Variants in AK5 observed in about 807,000 individuals in gnomAD.
AK5 encodes adenylate kinase isoenzyme 5.
In AK5, 27 loss-of-function variants were observed where a neutral mutation model predicts 69.5. The observed-to-expected ratio is 0.39, with a 90% confidence interval of 0.29 to 0.54. The LOEUF is 0.54. Among genes scored for constraint, AK5 ranks in the 20% least tolerant of loss-of-function variants. The probability of loss-of-function intolerance (pLI) is 0.71; values close to 1 mark genes in which losing one functional copy is unlikely to be tolerated. For missense variants in AK5, 531 were observed against 700.4 expected, an observed-to-expected ratio of 0.76 and a Z score of 2.73; for synonymous variants, 260 against 244.4, an observed-to-expected ratio of 1.06 and a Z score of -0.60.
intron 13 of AK5, among the ~76,000 whole-genome samples, chr1:77,539,380 T>C (rs549034374): frequency 2.6e-5 from 4 of 152,274 alleles, no homozygotes; most frequent in African/African-American, 9.6e-5. Flanking sequence ...TGCACAAATA[T>C]GTAAAACCTC....
intron 2 of AK5, 110 bp from the exon 3 acceptor site, chr1:77,293,682 GA>G: frequency 1.1e-6 from 1 of 930,530 alleles, no homozygotes; most frequent in Non-Finnish European, 1.6e-6. Flanking sequence ...TTCCAGTTAA[GA>G]AAAAAACAAA....
intron 13 of AK5, 123 bp downstream of exon 13, chr1:77,536,161 G>A: frequency 8.9e-7 from 1 of 1,128,850 alleles, no homozygotes. Flanking sequence ...CTGTGCAGCT[G>A]CAGCACTGGG....
chr1:77,500,802 C>T (rs114619951), intron 10 of AK5, among the ~76,000 whole-genome samples: 1,930 of 151,918 alleles, frequency 0.013, 23 homozygotes, highest in Non-Finnish European at 0.018. Context: ...ACAACAGCAA[C>T]AAAAAAACAA....
At chr1:77,301,058 A>G (rs1374522356) in intron 5 of AK5, among the ~76,000 whole-genome samples, 1 of 152,166 alleles carries the variant, frequency 6.6e-6, no homozygotes, top group Non-Finnish European at 1.5e-5. Flanking sequence ...TCAGCCATAT[A>G]TGGGTGATGG....
intron 6 of AK5, among the ~76,000 whole-genome samples, chr1:77,391,872 G>A (rs1392245558): frequency 6.6e-6 from 1 of 152,034 alleles, no homozygotes; most frequent in Non-Finnish European, 1.5e-5. Flanking sequence ...AAATAAATGG[G>A]GTGAAACAAA....
At chr1:77,439,060 A>G (rs1423035853) in intron 8 of AK5, among the ~76,000 whole-genome samples, 2 of 152,148 alleles carry the variant, frequency 1.3e-5, no homozygotes, top group African/African-American at 4.8e-5. Context: ...ACTGCTCTCC[A>G]TTTCAGGGGC....
intron 10 of AK5, among the ~76,000 whole-genome samples, chr1:77,486,592 G>A (rs553436518): frequency 1.9e-4 from 29 of 151,962 alleles, no homozygotes; most frequent in Non-Finnish European, 4.1e-4. Flanking sequence ...CAGCTACTCG[G>A]GAGGCTGAGG....
intron 13 of AK5, among the ~76,000 whole-genome samples, chr1:77,544,059 C>A (rs987276423): frequency 3.9e-5 from 6 of 152,140 alleles, no homozygotes; most frequent in Non-Finnish European, 7.3e-5. Flanking sequence ...GATGGTATAG[C>A]CTACTACACA....
intron 6 of AK5, among the ~76,000 whole-genome samples, chr1:77,383,237 A>G (rs982749797): frequency 1.7e-4 from 26 of 152,200 alleles, no homozygotes; most frequent in African/African-American, 5.8e-4. Flanking sequence ...AAGAGTCACT[A>G]TACTTAACAA....
rs144503653 is a variant in AK5 at position 77,531,136 on chromosome 1, C to T, written c.1429-4711C>T. 5.0e-3 allele frequency among the ~76,000 whole-genome samples: 761 copies of T among 152,114 alleles called. 10 individuals are homozygous for T. Among genetic ancestry groups the T allele is most frequent in the African/African-American group, 0.017 (721 of 41,482 alleles). ...TCCGGAGTTTGTTCCTTCTGATGTT[C>T]GGATGTGTTCGGAGTTTATTCCTTC... On this transcript the variant is annotated intron_variant, in intron 12 of 13. Transcript: ENST00000354567.
At chr1:77,342,975 G>T (rs949369926) in intron 6 of AK5, among the ~76,000 whole-genome samples, 3 of 151,954 alleles carry the variant, frequency 2.0e-5, no homozygotes, top group Admixed American at 6.6e-5. Context: ...CTTTATTTTG[G>T]CACAGACATA....
At chr1:77,290,259 C>A (rs1435197041) in intron 2 of AK5, among the ~76,000 whole-genome samples, 1 of 152,168 alleles carries the variant, frequency 6.6e-6, no homozygotes, top group African/African-American at 2.4e-5. Context: ...TCATGAAATG[C>A]TTTCTTCATT....
At chr1:77,550,953 G>C (rs1659793420) in intron 13 of AK5, among the ~76,000 whole-genome samples, 1 of 152,214 alleles carries the variant, frequency 6.6e-6, no homozygotes, top group Admixed American at 6.5e-5. Flanking sequence ...AAGGCAGGCA[G>C]ATCACCTGAG....
intron 5 of AK5, among the ~76,000 whole-genome samples, chr1:77,312,905 G>C (rs1000173208): frequency 1.3e-5 from 2 of 152,012 alleles, no homozygotes; most frequent in East Asian, 3.9e-4. Context: ...GAGTGGTTTC[G>C]TGTCCCCAGC....
At chr1:77,309,959 T>A (rs1474868133) in intron 5 of AK5, among the ~76,000 whole-genome samples, 2 of 152,152 alleles carry the variant, frequency 1.3e-5, no homozygotes, top group Non-Finnish European at 2.9e-5. Flanking sequence ...GGAATTGGTG[T>A]ATTTTTCATT....
chr1:77,431,892 T>G (rs1651662050), intron 8 of AK5, among the ~76,000 whole-genome samples: 1 of 152,150 alleles, frequency 6.6e-6, no homozygotes, highest in Non-Finnish European at 1.5e-5. Context: ...CAAGGATAAG[T>G]AACAAAGGTG....
chr1:77,367,789 A>ATATATGT (rs1647010899), intron 6 of AK5, among the ~76,000 whole-genome samples: 1 of 20,074 alleles, frequency 5.0e-5, no homozygotes, highest in Non-Finnish European at 1.1e-4. Flanking sequence ...AATATATGTT[A>ATATATGT]TATATGTTAT....
At chr1:77,486,917 A>G (rs1655641729) in intron 10 of AK5, among the ~76,000 whole-genome samples, 1 of 152,228 alleles carries the variant, frequency 6.6e-6, no homozygotes, top group Admixed American at 6.5e-5. Flanking sequence ...AGTGCATTAA[A>G]AAGGTAAGAG....
intron 12 of AK5, among the ~76,000 whole-genome samples, chr1:77,527,415 T>C (rs1296965584): frequency 1.3e-5 from 2 of 152,232 alleles, no homozygotes; most frequent in East Asian, 3.8e-4. Flanking sequence ...TCTCCCACTG[T>C]GGTCCCCGTT....
Sources: gnomAD v4.1 joint callset for allele counts (sites outside exome capture counted in the v4.1 genomes callset) on GRCh38, gnomAD v4.1.1 for gene constraint, MANE v1.5 for transcripts, NCBI Gene and HGNC (gene_info 2026-07-23, HGNC 2026-07-21) for gene names.